PTPRN2: variants seen among roughly 807,000 people sequenced by gnomAD.
PTPRN2 encodes the protein protein tyrosine phosphatase receptor type N2, also known as receptor-type tyrosine-protein phosphatase N2.
PTPRN2 carries 74 observed loss-of-function variants against 118.8 expected under a neutral mutation model. The observed-to-expected ratio is 0.62, with a 90% CI of 0.52 to 0.76. PTPRN2 has a LOEUF of 0.76. PTPRN2 is among the 30% of genes least tolerant of loss of function. PTPRN2 has a pLI of 0.00. For missense variants in PTPRN2, 1,481 were observed against 1,394.4 expected (o/e 1.06, Z -0.99); for synonymous variants, 641 against 608.0 (o/e 1.05, Z -0.80).
In PTPRN2 at chr7:158,134,007, C is replaced by T. The variant is rs371822765; in HGVS notation, c.1226G>A (p.Arg409Gln). Residue 409 changes from arginine to glutamine, a missense_variant, in exon 9 of 23, where the codon CGA (arginine) becomes CAA (glutamine). This residue lies in a region of PTPRN2 where 1,115 missense variants were observed against 994.2 expected (regional missense o/e 1.12). Coordinates refer to ENST00000389418, the MANE Select transcript of PTPRN2 (RefSeq NM_002847.5). ...LGGLLQDHGS[R>Q]LLPGALPFAR... The stretch of plus-strand genomic sequence containing the variant: ...AAAGGGGAGGGCTCCAGGTAAGAGT[C>T]GAGACCCGTGGTCCTGCAGGAGGCC... 29 of 1,613,958 alleles carry T rather than the reference C, an allele frequency of 1.8e-5. No homozygotes were observed. Among genetic ancestry groups the T allele is most frequent in the Non-Finnish European group, 2.3e-5 (27 of 1,180,022 alleles).
rs1804882076 is a variant in PTPRN2 at position 158,333,350 on chromosome 7, TGCAGACGTCACTCACACCCACACTCG to T, written c.164-16444_164-16419del. Among the ~76,000 whole-genome samples, 46 of 136,596 alleles carry T rather than the reference TGCAGACGTCACTCACACCCACACTCG, an allele frequency of 3.4e-4. 3 individuals are homozygous for T. Among genetic ancestry groups the T allele is most frequent in the South Asian group, 6.8e-4 (3 of 4,398 alleles). The allele number at this position is 136,596 out of a possible 152,430, so 89.6% of individuals were successfully genotyped here. A position where few individuals can be genotyped will look rare whatever the true frequency, so the allele number is the denominator to read the frequency against. The stretch of plus-strand genomic sequence containing the variant: ...CACTGTCACCATAAGAGGTGACACC[TGCAGACGTCACTCACACCCACACTCG>T]CACCATAAGAGGTGACACCTGCAGA... On this transcript the variant is annotated intron_variant, in intron 2 of 22. Transcript: ENST00000389418.
chr7:158,522,946 G>A (rs1468928916), intron 1 of PTPRN2, among the ~76,000 whole-genome samples: 2 of 152,166 alleles, frequency 1.3e-5, no homozygotes, highest in African/African-American at 4.8e-5. Flanking sequence ...GAACTTGCTG[G>A]GACTGAGATG....
chr7:158,172,651 C>A (rs1226430321), intron 5 of PTPRN2, among the ~76,000 whole-genome samples: 1 of 151,510 alleles, frequency 6.6e-6, no homozygotes, highest in African/African-American at 2.4e-5. Flanking sequence ...ACCATCCCAC[C>A]ATCCACAGCA....
chr7:158,495,482 A>C (rs77072284), intron 1 of PTPRN2, among the ~76,000 whole-genome samples: 38,407 of 151,898 alleles, frequency 0.25, 4,930 homozygotes, highest in South Asian at 0.39. Context: ...CGCCCTGCCC[A>C]CTGCAGGGGG....
intron 1 of PTPRN2, among the ~76,000 whole-genome samples, chr7:158,536,465 G>C (rs564680628): frequency 7.3e-6 from 1 of 137,228 alleles, no homozygotes; most frequent in Non-Finnish European, 1.6e-5. Context: ...TTTCCAGCCC[G>C]CCATTGACAA....
At chr7:158,346,476 T>C (rs930280794) in intron 2 of PTPRN2, among the ~76,000 whole-genome samples, 1 of 152,246 alleles carries the variant, frequency 6.6e-6, no homozygotes, top group African/African-American at 2.4e-5. Flanking sequence ...CCTTCCTTTT[T>C]AAGACTGAAT....
Position 158,216,174 on chromosome 7 carries a change from G to A in PTPRN2, c.278-10901C>T, listed in dbSNP as rs183686324. 2.6e-4 allele frequency among the ~76,000 whole-genome samples: 39 copies of A among 152,186 alleles called. No homozygotes were observed. The East Asian group carries it at 6.6e-3, about 26-fold the overall frequency. On this transcript the variant is annotated intron_variant, in intron 3 of 22. Coordinates refer to ENST00000389418, the MANE Select transcript of PTPRN2 (RefSeq NM_002847.5). ...TGACACCAGTAAACTTTAATGTTATGAATATGTATATGAATATTATATCTA... is the reference window on the plus strand; with the variant it reads ...TGACACCAGTAAACTTTAATGTTATAAATATGTATATGAATATTATATCTA...
intron 2 of PTPRN2, among the ~76,000 whole-genome samples, chr7:158,330,918 G>A (rs1471789131): frequency 1.8e-5 from 2 of 109,174 alleles, no homozygotes; most frequent in Non-Finnish European, 3.8e-5. Flanking sequence ...ACCTGCAGAC[G>A]TCACTCACAC....
intron 2 of PTPRN2, among the ~76,000 whole-genome samples, chr7:158,417,684 G>C (rs1814819359): frequency 6.9e-6 from 1 of 144,122 alleles, no homozygotes; most frequent in East Asian, 2.2e-4. Context: ...TTAAGTCACG[G>C]TGTACTACAT....
At chr7:158,422,614 G>A (rs1346078452) in intron 2 of PTPRN2, among the ~76,000 whole-genome samples, 3 of 152,170 alleles carry the variant, frequency 2.0e-5, no homozygotes, top group Non-Finnish European at 4.4e-5. Context: ...TGTCATACCT[G>A]GGCTGACGCT....
chr7:158,162,968 C>T (rs1484688466), intron 6 of PTPRN2, among the ~76,000 whole-genome samples: 3 of 152,212 alleles, frequency 2.0e-5, no homozygotes, highest in African/African-American at 4.8e-5. Flanking sequence ...TTTCTGTTCC[C>T]TGGCATTATC....
rs1824771955 is a variant in PTPRN2, at chr7:158,526,208, G to A, written c.113-36423C>T. Among the ~76,000 whole-genome samples the A allele has an allele frequency of 6.6e-6, 1 of 152,196 alleles. No homozygotes were observed. ...GTTGGCAGGGTGCCGGCGGAATCCA[G>A]GGCAGGATTCACTTGTGTGGCGAAG... On this transcript the variant is annotated intron_variant, in intron 1 of 22. Transcript: ENST00000389418. The surrounding 1 kb of genome is among the most constrained non-coding windows in gnomAD (Gnocchi z 5.2).
chr7:157,994,534 G>A lies in PTPRN2; in HGVS notation c.1723+86764C>T, dbSNP rs1165892322. Among the ~76,000 whole-genome samples the A allele has an allele frequency of 3.5e-3, 349 of 100,772 alleles. 8 individuals are homozygous for A. Among genetic ancestry groups the A allele is most frequent in the African/African-American group, 7.6e-3 (225 of 29,786 alleles). The allele number at this position is 100,772 out of a possible 152,430, so 66.1% of individuals were successfully genotyped here. A position where few individuals can be genotyped will look rare whatever the true frequency, so the allele number is the denominator to read the frequency against. On this transcript the variant is annotated intron_variant, in intron 11 of 22. Coordinates refer to ENST00000389418, the MANE Select transcript of PTPRN2 (RefSeq NM_002847.5). ...ATCAGCACCGCATCCCCAGCTTACA[G>A]CTCCTTGTTCCTAAAATCAGCACCG... is the stretch of plus-strand genomic sequence containing the variant.
At chr7:158,503,942 AG>A (rs1220954205) in intron 1 of PTPRN2, among the ~76,000 whole-genome samples, 2 of 151,870 alleles carry the variant, frequency 1.3e-5, no homozygotes, top group Non-Finnish European at 2.9e-5. Context: ...CGGAGGTTGC[AG>A]TGAGCCACAC....
At chr7:157,553,980 G>T (rs1798764112) in intron 21 of PTPRN2, among the ~76,000 whole-genome samples, 1 of 133,514 alleles carries the variant, frequency 7.5e-6, no homozygotes, top group South Asian at 2.5e-4. Context: ...CCGGGCGCCG[G>T]ATCCTGCCCG....
intron 12 of PTPRN2, among the ~76,000 whole-genome samples, chr7:157,700,353 G>A (rs567322536): frequency 5.9e-5 from 9 of 152,260 alleles, no homozygotes; most frequent in African/African-American, 2.2e-4. Flanking sequence ...GTGACACTGC[G>A]GAAAAACCAG....
intron 14 of PTPRN2, among the ~76,000 whole-genome samples, chr7:157,650,022 T>C (rs1805538022): frequency 6.6e-6 from 1 of 152,148 alleles, no homozygotes; most frequent in Non-Finnish European, 1.5e-5. Context: ...CTGAACTCGG[T>C]GGACGCGTAA....
In PTPRN2 at chr7:157,595,232, G is replaced by A. The variant is rs201122559; in HGVS notation, c.2496+6C>T. The A allele has an allele frequency of 1.2e-6, 2 of 1,613,632 alleles. No individual in the cohort carries two copies. Among genetic ancestry groups the A allele is most frequent in the East Asian group, 2.2e-5 (1 of 44,874 alleles). ...GAAAGAGAGATTTTAATTTAAAAAT[G>A]TTCACCTGCCAAAAGTCAGCCACGG... On this transcript the variant is annotated splice_donor_region_variant and intron_variant, in intron 17 of 22. Transcript: ENST00000389418.
At chr7:158,085,740 A>G (rs1351857888) in intron 10 of PTPRN2, among the ~76,000 whole-genome samples, 3 of 105,396 alleles carry the variant, frequency 2.8e-5, no homozygotes, top group East Asian at 2.9e-4. Context: ...CACCCACGAC[A>G]CCCATCCACA....
Sources: allele counts gnomAD v4.1 joint callset (sites outside exome capture counted in the v4.1 genomes callset), GRCh38; gene constraint gnomAD v4.1.1; regional missense constraint gnomAD v4.1.1; non-coding constraint Gnocchi (gnomAD v3.1); transcripts MANE v1.5; gene names NCBI Gene and HGNC (gene_info 2026-07-23, HGNC 2026-07-21).